Variants in OPN5 observed in about 807,000 individuals in gnomAD.
The protein encoded by OPN5 is opsin 5, also known as opsin-5.
OPN5 carries 18 observed loss-of-function variants against 41.7 expected under a neutral mutation model. The observed-to-expected ratio is 0.43, with a 90% CI of 0.30 to 0.64. OPN5 has a LOEUF of 0.64. OPN5 is among the 30% of genes least tolerant of loss of function. The probability of loss-of-function intolerance (pLI) is 0.13; values close to 1 mark genes in which losing one functional copy is unlikely to be tolerated. For missense variants in OPN5, 318 were observed against 434.5 expected, an observed-to-expected ratio of 0.73 and a Z score of 2.38; for synonymous variants, 178 against 164.3, an observed-to-expected ratio of 1.08 and a Z score of -0.64.
At chr6:47,802,528 A>G (rs929339250) in intron 4 of OPN5, among the ~76,000 whole-genome samples, 1 of 152,176 alleles carries the variant, frequency 6.6e-6, no homozygotes, top group African/African-American at 2.4e-5. Flanking sequence ...ATGATATCTC[A>G]GTTACCTTCT....
chr6:47,799,669 A>C (rs1008372589), intron 4 of OPN5, among the ~76,000 whole-genome samples: 2 of 152,124 alleles, frequency 1.3e-5, no homozygotes, highest in Admixed American at 1.3e-4. Flanking sequence ...GAAGTGAGGC[A>C]CATGTTTTCT....
intron 6 of OPN5, among the ~76,000 whole-genome samples, chr6:47,818,497 A>G (rs1260268495): frequency 1.3e-5 from 2 of 152,178 alleles, no homozygotes; most frequent in Non-Finnish European, 2.9e-5. Flanking sequence ...CATCCAAGCT[A>G]GTGTTTTGCA....
At chr6:47,786,714 C>T in intron 2 of OPN5, 80 bp downstream of exon 2, 3 of 1,225,596 alleles carry the variant, frequency 2.4e-6, no homozygotes, top group Non-Finnish European at 3.5e-6. Flanking sequence ...AAACGTCACC[C>T]CCTGACATCT....
At chr6:47,824,439 T>G (rs1206800691) in exon 7 of OPN5, 1 of 169,302 alleles carries the variant, frequency 5.9e-6, no homozygotes, top group Non-Finnish European at 1.3e-5. Context: ...GAGTGTGGAT[T>G]GGTGAAAATC....
intron 5 of OPN5, among the ~76,000 whole-genome samples, chr6:47,809,906 G>C (rs1197938488): frequency 6.6e-6 from 1 of 152,180 alleles, no homozygotes; most frequent in Non-Finnish European, 1.5e-5. Flanking sequence ...GAAGGAGATG[G>C]GAGTTTGACA....
intron 4 of OPN5, among the ~76,000 whole-genome samples, chr6:47,806,185 C>G (rs73736494): frequency 0.09 from 13,646 of 151,800 alleles, 883 homozygotes; most frequent in African/African-American, 0.17. Context: ...AACAACCCCC[C>G]CAAAAAACAA....
chr6:47,813,583 C>T (rs1196163344), intron 6 of OPN5, among the ~76,000 whole-genome samples: 1 of 151,936 alleles, frequency 6.6e-6, no homozygotes, highest in Non-Finnish European at 1.5e-5. Context: ...GATAGGGAGA[C>T]CATTCATGAT....
At chr6:47,798,394 C>A (rs9473186) in intron 4 of OPN5, among the ~76,000 whole-genome samples, 22,238 of 150,990 alleles carry the variant, frequency 0.15, 1,726 homozygotes, top group Middle Eastern at 0.17. Context: ...CAGCACATAT[C>A]CCATTTAATT....
chr6:47,786,558 T>C (rs1483414205), exon 2 of OPN5: 5 of 1,610,328 alleles, frequency 3.1e-6, no homozygotes, highest in Non-Finnish European at 4.2e-6. Context: ...TTTACATGTC[T>C]TCTAGACGAA....
At chr6:47,812,426 G>C (rs1480997144) in intron 6 of OPN5, among the ~76,000 whole-genome samples, 1 of 152,136 alleles carries the variant, frequency 6.6e-6, no homozygotes, top group African/African-American at 2.4e-5. Context: ...CTTAAGAAGT[G>C]AATTTAGTGA....
At chr6:47,788,752 G>C (rs1186171137) in intron 2 of OPN5, among the ~76,000 whole-genome samples, 1 of 145,314 alleles carries the variant, frequency 6.9e-6, no homozygotes, top group Non-Finnish European at 1.5e-5. Context: ...TTATATACAC[G>C]TGTTATATTA....
rs192712799 is a variant in OPN5 at position 47,811,572 on chromosome 6, A to G, written c.999-102A>G. On this transcript the variant is annotated intron_variant, in intron 5 of 6. Coordinates refer to ENST00000371211, the Ensembl canonical transcript of OPN5. ...TTCAAGATTTGTGCACATAATCCTC[A>G]TAGTAGTCGTTTGACATATACATAT... 8.9e-6 allele frequency: 5 copies of G among 559,472 alleles called. No homozygotes were observed. In the Admixed American group the frequency reaches 1.0e-4, roughly 11 times the overall value. The allele number at this position is 559,472 out of a possible 1,614,324, so 34.7% of individuals were successfully genotyped here. A position where few individuals can be genotyped will look rare whatever the true frequency, so the allele number is the denominator to read the frequency against.
At chr6:47,801,690 T>C (rs1773780258) in intron 4 of OPN5, among the ~76,000 whole-genome samples, 2 of 152,248 alleles carry the variant, frequency 1.3e-5, no homozygotes, top group African/African-American at 4.8e-5. Flanking sequence ...CGTTATCTTC[T>C]TGGAACATAT....
Position 47,793,442 on chromosome 6 carries a change from G to C in OPN5, c.421+1470G>C, listed in dbSNP as rs143404528. ...ATTAAACCCTCCACACAGCGTCCCA[G>C]AATGTTGGAATTAGAAGGTCGCTTG... is the stretch of plus-strand genomic sequence containing the variant. On this transcript the variant is annotated intron_variant, in intron 3 of 6. Coordinates refer to ENST00000371211, the Ensembl canonical transcript of OPN5. 5.6e-4 allele frequency among the ~76,000 whole-genome samples: 85 copies of C among 152,306 alleles called. 1 individual carries two copies. The highest frequency in any genetic ancestry group is 3.9e-3 in the South Asian group (19 of 4,828).
intron 4 of OPN5, among the ~76,000 whole-genome samples, chr6:47,800,102 T>A (rs1356034390): frequency 6.6e-6 from 1 of 152,210 alleles, no homozygotes; most frequent in African/African-American, 2.4e-5. Flanking sequence ...TGAATACTCT[T>A]GCTACTGATT....
At chr6:47,791,117 T>C (rs1581730491) in intron 2 of OPN5, among the ~76,000 whole-genome samples, 1 of 152,268 alleles carries the variant, frequency 6.6e-6, no homozygotes, top group East Asian at 1.9e-4. Flanking sequence ...CCTCTATTCA[T>C]TGAGACAATT....
intron 3 of OPN5, 63 bp from the exon 4 acceptor site, chr6:47,795,166 C>CG: frequency 8.3e-7 from 1 of 1,202,900 alleles, no homozygotes; most frequent in Non-Finnish European, 1.1e-6. Flanking sequence ...TTTGACATAT[C>CG]GAGGGGAGGT....
chr6:47,799,060 G>A (rs1004200612), intron 4 of OPN5, among the ~76,000 whole-genome samples: 10 of 152,100 alleles, frequency 6.6e-5, no homozygotes, highest in Admixed American at 6.6e-4. Flanking sequence ...CTGATCTCGT[G>A]AAGCTAAAAG....
intron 1 of OPN5, 139 bp downstream of exon 1, chr6:47,782,335 T>C: frequency 1.6e-6 from 1 of 641,414 alleles, no homozygotes; most frequent in South Asian, 2.0e-5. Context: ...GAAGATGGAA[T>C]GGCATTATGG....
Sources: gnomAD v4.1 joint callset for allele counts (sites outside exome capture counted in the v4.1 genomes callset) on GRCh38, gnomAD v4.1.1 for gene constraint, MANE v1.5 for transcripts, NCBI Gene and HGNC (gene_info 2026-07-23, HGNC 2026-07-21) for gene names.